Variants in DHX37 observed in about 807,000 individuals in gnomAD.
DHX37 encodes DEAH-box helicase 37.
Under a neutral mutation model 134.3 loss-of-function variants are expected in DHX37, and 52 were observed. That is an observed-to-expected ratio of 0.39 (90% CI 0.31 to 0.49). The LOEUF is 0.49. Among genes scored for constraint, DHX37 ranks in the 20% least tolerant of loss-of-function variants. DHX37 has a pLI of 0.93. For synonymous variants in DHX37, 634 were observed against 670.7 expected (o/e 0.95, Z 0.85); for missense variants, 1,344 against 1,580.8 (o/e 0.85, Z 2.54).
intron 2 of DHX37, among the ~76,000 whole-genome samples, chr12:124,985,380 A>C (rs1466599065): frequency 1.3e-5 from 2 of 152,034 alleles, no homozygotes; most frequent in African/African-American, 4.8e-5. Flanking sequence ...TTACTCTTGC[A>C]AATGTTTGAA....
At chr12:124,961,567 T>G (rs1388218212) in intron 15 of DHX37, among the ~76,000 whole-genome samples, 2 of 152,204 alleles carry the variant, frequency 1.3e-5, no homozygotes, top group Non-Finnish European at 2.9e-5. Context: ...TAGCTGGGAT[T>G]ACAAGTGCAT....
At chr12:124,974,698 C>T (rs1300221320) in intron 6 of DHX37, among the ~76,000 whole-genome samples, 4 of 152,014 alleles carry the variant, frequency 2.6e-5, no homozygotes, top group East Asian at 1.9e-4. Context: ...CATATGCTCC[C>T]AGCCATTGTA....
intron 15 of DHX37, among the ~76,000 whole-genome samples, chr12:124,962,269 G>A (rs1308517472): frequency 2.6e-5 from 4 of 152,226 alleles, no homozygotes; most frequent in Non-Finnish European, 5.9e-5. Flanking sequence ...GCCAGGCGTG[G>A]TGGTTCATGC....
chr12:124,972,809 C>G (rs1350985068), intron 6 of DHX37, among the ~76,000 whole-genome samples: 1 of 152,270 alleles, frequency 6.6e-6, no homozygotes, highest in East Asian at 1.9e-4. Flanking sequence ...TTAAGGGCAA[C>G]TGAGGAGCCA....
Position 124,977,421 on chromosome 12 carries a change from T to A in DHX37, c.808A>T (p.Ile270Phe), listed in dbSNP as rs762650883. ...VIMEAVAEHP[I>F]VIVCGETGSG... ...CCGGTCTCACCACACACGATGACGA[T>A]GGGGTGCTCGGCCACAGCCTCCATG... Residue 270 changes from isoleucine to phenylalanine, a missense_variant, in exon 5 of 27, where the codon ATC becomes TTC. Ile to Phe is a conservative substitution (Grantham distance 21). Transcript: ENST00000308736. 4 of 1,611,462 alleles carry A rather than the reference T, an allele frequency of 2.5e-6. No individual in the cohort carries two copies. The highest frequency in any genetic ancestry group is 1.7e-6 in the Non-Finnish European group (2 of 1,179,072).
At chr12:124,964,849 G>T in intron 14 of DHX37, 81 bp downstream of exon 14, 1 of 1,475,634 alleles carries the variant, frequency 6.8e-7, no homozygotes. Context: ...CAGATGGAGA[G>T]GACCACCAAG....
intron 6 of DHX37, among the ~76,000 whole-genome samples, chr12:124,974,444 C>T (rs1954588310): frequency 6.6e-6 from 1 of 151,536 alleles, no homozygotes; most frequent in Non-Finnish European, 1.5e-5. Flanking sequence ...CCTGCCTTAG[C>T]GTCCTCCGAG....
intron 6 of DHX37, among the ~76,000 whole-genome samples, chr12:124,973,499 TG>T (rs1042423746): frequency 2.9e-5 from 2 of 68,296 alleles, no homozygotes; most frequent in Non-Finnish European, 5.8e-5. Flanking sequence ...TTCTAAACAG[TG>T]GGGGGGAGGG....
At position 124,986,149 on chromosome 12, in the gene DHX37, T is replaced by C; in HGVS notation, c.223A>G (p.Lys75Glu). Residue 75 changes from lysine (K) to glutamate (E), a missense_variant, in exon 2 of 27, where the codon AAG becomes GAG. Around this residue, in one of 7 missense-constraint regions of DHX37, gnomAD observed 319 missense variants for 296.1 expected, o/e 1.08. Transcript: ENST00000308736. ...ATTTTCTGCAGCACTTTCTTCTCCT[T>C]CTTGGTCAGAGGCTTCTTCTCCTTC... ...SKKEKKPLTK[K>E]EKKVLQKILE... is the part of the protein sequence containing the mutation. 6.2e-7 allele frequency: 1 copy of C among 1,614,220 alleles called. No homozygotes were observed. Among genetic ancestry groups the C allele is most frequent in the Non-Finnish European group, 8.5e-7 (1 of 1,180,036 alleles).
At chr12:124,959,784 G>A (rs1282639034) in intron 16 of DHX37, among the ~76,000 whole-genome samples, 1 of 152,216 alleles carries the variant, frequency 6.6e-6, no homozygotes, top group Non-Finnish European at 1.5e-5. Flanking sequence ...AAGGCACTAG[G>A]AGACCATGTG....
Position 124,965,772 on chromosome 12 carries a change from G to A in DHX37, c.1631C>T (p.Pro544Leu), listed in dbSNP as rs148596974. 280 of 1,613,870 alleles carry A rather than the reference G, an allele frequency of 1.7e-4. No homozygotes were observed. Among genetic ancestry groups the A allele is most frequent in the Admixed American group, 3.5e-4 (21 of 59,978 alleles). Residue 544 changes from proline (P) to leucine (L), a missense_variant, in exon 13 of 27, where the codon CCG (proline) becomes CTG (leucine). Around this residue, in one of 7 missense-constraint regions of DHX37, gnomAD observed 289 missense variants for 323.8 expected, o/e 0.89. Coordinates refer to ENST00000308736, the MANE Select transcript of DHX37 (RefSeq NM_032656.4). ...CCTGTCCTCATCGCCTTCGCCTGCC[G>A]GTAACACCGAGTAATGATCCAAGTT... Reference protein sequence around the residue: ...QINLDHYSVLPAGEGDEDREA... With the variant: ...QINLDHYSVLLAGEGDEDREA...
intron 4 of DHX37, 94 bp from the exon 5 acceptor site, chr12:124,977,584 A>G: frequency 7.2e-7 from 1 of 1,391,280 alleles, no homozygotes; most frequent in East Asian, 2.7e-5. Context: ...TGGGTGCTGA[A>G]CAGATGTGCC....
chr12:124,959,747 G>T (rs150949540), intron 16 of DHX37, among the ~76,000 whole-genome samples: 135 of 152,322 alleles, frequency 8.9e-4, no homozygotes, highest in African/African-American at 3.1e-3. Flanking sequence ...TTAACATCCA[G>T]AAAAATCAGT....
rs376927097 is a variant in DHX37 at position 124,967,107 on chromosome 12, G to A, written c.1504+16C>T. The A allele has an allele frequency of 1.8e-5, 29 of 1,612,876 alleles. No individual in the cohort carries two copies. Among genetic ancestry groups the A allele is most frequent in the African/African-American group, 2.7e-5 (2 of 75,034 alleles). On this transcript the variant is annotated intron_variant, in intron 11 of 26. Coordinates refer to ENST00000308736, the MANE Select transcript of DHX37 (RefSeq NM_032656.4). ...AGCTGCTCAGGGCAGAGTGCTGGTCGGGGCGTCCTCTTTACCTTGTGGCCG... is the reference window on the plus strand; with the variant it reads ...AGCTGCTCAGGGCAGAGTGCTGGTCAGGGCGTCCTCTTTACCTTGTGGCCG...
chr12:124,981,442 G>A lies in DHX37; in HGVS notation c.390-604C>T, dbSNP rs142764922. Among the ~76,000 whole-genome samples, 18 of 152,224 alleles carry A rather than the reference G, an allele frequency of 1.2e-4. No homozygotes were observed. In the East Asian group the frequency reaches 3.3e-3, roughly 28 times the overall value. On this transcript the variant is annotated intron_variant, in intron 3 of 26. Coordinates refer to ENST00000308736, the MANE Select transcript of DHX37 (RefSeq NM_032656.4). ...GTGTGGCCGGATCGTCCAACTAGTC[G>A]AGACTAGGTGGGAACATGAATTCAC...
At chr12:124,973,632 C>CCA (rs1555213413) in intron 6 of DHX37, among the ~76,000 whole-genome samples, 1 of 136,074 alleles carries the variant, frequency 7.3e-6, no homozygotes, top group East Asian at 2.2e-4. Flanking sequence ...TGCGCCCCCC[C>CCA]CAACGCTTTT....
chr12:124,965,586 C>T (rs928836141), intron 13 of DHX37, 82 bp downstream of exon 13: 26 of 1,467,290 alleles, frequency 1.8e-5, no homozygotes, highest in Non-Finnish European at 2.1e-5. Context: ...AACCCCGGCC[C>T]CCGGGGGGCC....
chr12:124,971,779 G>A (rs58624800), intron 7 of DHX37, among the ~76,000 whole-genome samples: 5,348 of 152,252 alleles, frequency 0.035, 342 homozygotes, highest in African/African-American at 0.12. Flanking sequence ...CAGCCAGCAC[G>A]GAGCACAGCT....
intron 14 of DHX37, 79 bp from the exon 15 acceptor site, chr12:124,964,705 C>T: frequency 6.4e-7 from 1 of 1,569,652 alleles, no homozygotes; most frequent in Non-Finnish European, 8.6e-7. Context: ...AGGACAAAGC[C>T]AGCCAGGCTG....
Sources: allele counts gnomAD v4.1 joint callset (sites outside exome capture counted in the v4.1 genomes callset), GRCh38; gene constraint gnomAD v4.1.1; regional missense constraint gnomAD v4.1.1; transcripts MANE v1.5; gene names NCBI Gene and HGNC (gene_info 2026-07-23, HGNC 2026-07-21).